Variants in RAB8B observed in about 807,000 individuals in gnomAD.
RAB8B encodes RAB8B, member RAS oncogene family, also known as ras-related protein Rab-8B.
Under a neutral mutation model 32.0 loss-of-function variants are expected in RAB8B, and 11 were observed. That is an observed-to-expected ratio of 0.34 (90% CI 0.22 to 0.57). RAB8B has a LOEUF of 0.57. Among genes scored for constraint, RAB8B ranks in the 20% least tolerant of loss-of-function variants. RAB8B has a pLI of 0.86. For missense variants in RAB8B, 190 were observed against 258.5 expected (o/e 0.73, Z 1.82); for synonymous variants, 103 against 89.6 (o/e 1.15, Z -0.85).
chr15:63,253,922 T>A (rs1342797833), intron 3 of RAB8B, among the ~76,000 whole-genome samples: 1 of 152,140 alleles, frequency 6.6e-6, no homozygotes, highest in African/African-American at 2.4e-5. Context: ...AAATAGAAGA[T>A]TCAGAGGAGA....
At chr15:63,251,301 A>T (rs895786919) in intron 3 of RAB8B, 2 of 456,082 alleles carry the variant, frequency 4.4e-6, no homozygotes, top group Non-Finnish European at 8.8e-6. Context: ...TTTTAGGGAT[A>T]AAAAGAACAT....
intron 5 of RAB8B, among the ~76,000 whole-genome samples, chr15:63,258,811 T>C (rs1055305029): frequency 3.9e-5 from 6 of 152,320 alleles, no homozygotes; most frequent in South Asian, 2.1e-4. Flanking sequence ...TACAAAGTTA[T>C]ACCCTGCGCA....
At chr15:63,197,002 A>G (rs2037606095) in intron 1 of RAB8B, among the ~76,000 whole-genome samples, 1 of 152,186 alleles carries the variant, frequency 6.6e-6, no homozygotes, top group African/African-American at 2.4e-5. Context: ...AAACAATGCA[A>G]CAGATGCCTG....
intron 3 of RAB8B, 96 bp downstream of exon 3, chr15:63,249,801 G>A: frequency 1.5e-6 from 2 of 1,302,534 alleles, no homozygotes; most frequent in South Asian, 1.3e-5. Flanking sequence ...AGTCTAGTAT[G>A]TAGAAAAATA....
rs772720379 is a variant in RAB8B, at chr15:63,262,715, T to C, written c.504T>C (p.Asp168=). Residue 168 remains aspartate (D), a synonymous_variant, in exon 7 of 8, where the codon GAT becomes GAC. Transcript: ENST00000321437. ...VEEAFFTLAR[D]IMTKLNRKMN... Reference sequence around the variant, plus strand: ...AGGCATTTTTTACACTTGCACGAGATATAATGACAAAACTCAACAGAAAAA... The same window carrying C: ...AGGCATTTTTTACACTTGCACGAGACATAATGACAAAACTCAACAGAAAAA... The C allele has an allele frequency of 1.4e-6, 2 of 1,457,810 alleles. No individual in the cohort carries two copies. The highest frequency in any genetic ancestry group is 1.5e-5 in the African/African-American group (1 of 67,534). 90.3% of individuals were successfully genotyped at this position (1,457,810 alleles called of 1,614,324 possible).
chr15:63,199,858 G>T (rs1327951177), intron 1 of RAB8B, among the ~76,000 whole-genome samples: 1 of 152,096 alleles, frequency 6.6e-6, no homozygotes, highest in Non-Finnish European at 1.5e-5. Context: ...TAGGATTACA[G>T]GTGTGAGCCA....
intron 1 of RAB8B, among the ~76,000 whole-genome samples, chr15:63,221,450 C>G (rs2037843629): frequency 6.6e-6 from 1 of 152,130 alleles, no homozygotes; most frequent in Non-Finnish European, 1.5e-5. Context: ...CAGTGGTTAC[C>G]TTTGAGCTAT....
intron 1 of RAB8B, among the ~76,000 whole-genome samples, chr15:63,239,873 C>A (rs1439056781): frequency 1.3e-5 from 2 of 152,044 alleles, no homozygotes; most frequent in Non-Finnish European, 2.9e-5. Context: ...AGAGCAATTG[C>A]AGGGCACTAT....
chr15:63,237,471 T>A (rs2037990607), intron 1 of RAB8B, among the ~76,000 whole-genome samples: 1 of 152,212 alleles, frequency 6.6e-6, no homozygotes, highest in Non-Finnish European at 1.5e-5. Flanking sequence ...TTCATTTGCA[T>A]TTCTCTGATG....
At chr15:63,229,586 T>A (rs1332976016) in intron 1 of RAB8B, among the ~76,000 whole-genome samples, 1 of 151,876 alleles carries the variant, frequency 6.6e-6, no homozygotes, top group Non-Finnish European at 1.5e-5. Context: ...GTTCAAGCCA[T>A]TCTGGCCAAC....
At chr15:63,208,977 C>T (rs1244050180) in intron 1 of RAB8B, among the ~76,000 whole-genome samples, 1 of 150,686 alleles carries the variant, frequency 6.6e-6, no homozygotes, top group Non-Finnish European at 1.5e-5. Context: ...ACTGCAACCT[C>T]CACCTCCTGG....
intron 1 of RAB8B, among the ~76,000 whole-genome samples, chr15:63,217,776 G>A (rs1258188314): frequency 6.6e-6 from 1 of 152,202 alleles, no homozygotes; most frequent in Non-Finnish European, 1.5e-5. Flanking sequence ...TTTCGGGAGA[G>A]AGAAGGGTAG....
chr15:63,195,611 A>T (rs1217121833), intron 1 of RAB8B, among the ~76,000 whole-genome samples: 1 of 152,240 alleles, frequency 6.6e-6, no homozygotes, highest in Non-Finnish European at 1.5e-5. Flanking sequence ...CCAATAACTG[A>T]ATCTGAAAAG....
At chr15:63,220,277 C>T (rs947561108) in intron 1 of RAB8B, among the ~76,000 whole-genome samples, 1 of 152,128 alleles carries the variant, frequency 6.6e-6, no homozygotes, top group Non-Finnish European at 1.5e-5. Flanking sequence ...GCATTGTTGC[C>T]TTTTCTTCAT....
chr15:63,225,148 A>G (rs12593078), intron 1 of RAB8B, among the ~76,000 whole-genome samples: 91,327 of 152,084 alleles, frequency 0.6, 27,878 homozygotes, highest in East Asian at 0.8. Context: ...CAGGATTCAA[A>G]ACTCTGCAGC....
intron 1 of RAB8B, among the ~76,000 whole-genome samples, chr15:63,208,327 A>G (rs920204970): frequency 2.0e-5 from 3 of 152,216 alleles, no homozygotes; most frequent in African/African-American, 7.2e-5. Flanking sequence ...ACAATTTTTA[A>G]GTCTCTGAGT....
chr15:63,265,801 C>T lies in RAB8B; in HGVS notation c.*2182C>T, dbSNP rs2038241629. ...TTATATTTCTTCTTTCTTCTTTTGT[C>T]TTATATGGATTAATAACTAGTCTCC... On this transcript the variant is annotated 3_prime_UTR_variant, in exon 8 of 8. Transcript: ENST00000321437. This position sits in a 1 kb window ranked among gnomAD's most constrained non-coding sequence, Gnocchi z 4.9. 6.6e-6 allele frequency: 1 copy of T among 151,820 alleles called. No homozygotes were observed. Among genetic ancestry groups the T allele is most frequent in the Non-Finnish European group, 1.5e-5 (1 of 67,830 alleles). 9.4% of individuals were successfully genotyped at this position (151,820 alleles called of 1,614,324 possible).
intron 1 of RAB8B, among the ~76,000 whole-genome samples, chr15:63,203,921 C>A (rs1454947396): frequency 6.6e-6 from 1 of 152,080 alleles, no homozygotes; most frequent in African/African-American, 2.4e-5. Flanking sequence ...GCGGGTGTCA[C>A]TCCTTACCAG....
At chr15:63,207,405 C>T (rs1454310922) in intron 1 of RAB8B, among the ~76,000 whole-genome samples, 1 of 152,176 alleles carries the variant, frequency 6.6e-6, no homozygotes, top group Non-Finnish European at 1.5e-5. Flanking sequence ...TCAGACTCCT[C>T]TGTGTGCATC....
Sources: allele counts gnomAD v4.1 joint callset (sites outside exome capture counted in the v4.1 genomes callset), GRCh38; gene constraint gnomAD v4.1.1; non-coding constraint Gnocchi (gnomAD v3.1); transcripts MANE v1.5; gene names NCBI Gene and HGNC (gene_info 2026-07-23, HGNC 2026-07-21).